Variants in MTAP observed in about 807,000 individuals in gnomAD.
The protein encoded by MTAP is S-methyl-5'-thioadenosine phosphorylase.
In MTAP, 33 loss-of-function variants were observed where a neutral mutation model predicts 33.6. The ratio of observed to expected loss-of-function variants is 0.98; its 90% confidence interval spans 0.74 to 1.31. The LOEUF is 1.31. MTAP is among the 40% of genes most tolerant of loss of function. The pLI, the probability that MTAP is intolerant of heterozygous loss-of-function variation, is 0.00. For missense variants in MTAP, 367 were observed against 360.0 expected (o/e 1.02, Z -0.16); for synonymous variants, 148 against 125.7 (o/e 1.18, Z -1.19).
At chr9:21,819,242 T>C (rs572898156) in intron 4 of MTAP, among the ~76,000 whole-genome samples, 33 of 152,202 alleles carry the variant, frequency 2.2e-4, no homozygotes, top group Admixed American at 7.9e-4. Context: ...CTGCACCCAT[T>C]AACTCGTCAT....
chr9:21,885,816 G>GTGTGTA (rs1042071763), intron 1 of MTAP, among the ~76,000 whole-genome samples: 1 of 144,200 alleles, frequency 6.9e-6, no homozygotes. Flanking sequence ...GTGTGTGTGT[G>GTGTGTA]TGTGTATACA....
chr9:21,805,028 G>A (rs1824172758), intron 1 of MTAP, among the ~76,000 whole-genome samples: 2 of 152,228 alleles, frequency 1.3e-5, no homozygotes, highest in Admixed American at 6.5e-5. Flanking sequence ...AGTGCCCACT[G>A]CACACCACCC....
chr9:21,822,500 T>G (rs1824669500), intron 4 of MTAP, among the ~76,000 whole-genome samples: 1 of 152,104 alleles, frequency 6.6e-6, no homozygotes, highest in African/African-American at 2.4e-5. Context: ...AGAGATAGTT[T>G]GTTATAATTT....
chr9:21,938,488 A>T (rs1431394295), downstream of MTAP, among the ~76,000 whole-genome samples: 1 of 151,926 alleles, frequency 6.6e-6, no homozygotes, highest in Non-Finnish European at 1.5e-5. Flanking sequence ...AAAAAAAGAG[A>T]ATTGCATAGG....
In MTAP at chr9:21,904,923, G is replaced by T. The variant is rs151220562; in HGVS notation, c.148-26085G>T. Among the ~76,000 whole-genome samples the T allele has an allele frequency of 1.2e-3, 188 of 152,248 alleles. 1 individual carries two copies. Among genetic ancestry groups the T allele is most frequent in the Non-Finnish European group, 2.1e-3 (146 of 68,010 alleles). ...AGTGTTCTCTTATCCTTCTCACAGG[G>T]TATGTGACGGGGTGTGGCTCACTTC... On this transcript the variant is annotated intron_variant, in intron 1 of 1. Transcript: ENST00000577563.
intron 1 of MTAP, among the ~76,000 whole-genome samples, chr9:21,880,052 ATTCCAACAAATTCC>A (rs1817980694): frequency 6.6e-6 from 1 of 152,146 alleles, no homozygotes; most frequent in Non-Finnish European, 1.5e-5. Flanking sequence ...AGTTCTGTGT[ATTCCAACAAATTCC>A]ATTTGTTGGA....
chr9:21,841,265 T>G (rs1462368664), intron 5 of MTAP, among the ~76,000 whole-genome samples: 2 of 152,192 alleles, frequency 1.3e-5, no homozygotes, highest in African/African-American at 2.4e-5. Context: ...AGCCCCCTAC[T>G]CCTTCTGCAG....
intron 6 of MTAP, among the ~76,000 whole-genome samples, chr9:21,857,156 C>T (rs1041058445): frequency 4.9e-4 from 74 of 152,214 alleles, no homozygotes; most frequent in Non-Finnish European, 2.5e-4. Flanking sequence ...GTAGGAAGGA[C>T]ATTTTGGGTG....
At chr9:21,811,521 A>G in intron 1 of MTAP, 1 of 272,778 alleles carries the variant, frequency 3.7e-6, no homozygotes, top group East Asian at 9.4e-5. Flanking sequence ...ACACAACAGC[A>G]AGCGCACATA....
At chr9:21,850,467 A>T (rs898001286) in intron 5 of MTAP, among the ~76,000 whole-genome samples, 4 of 152,198 alleles carry the variant, frequency 2.6e-5, no homozygotes, top group African/African-American at 9.7e-5. Flanking sequence ...AGGCTCTGCA[A>T]CAGTTCCAGG....
At chr9:21,914,728 A>G (rs759109566) in intron 1 of MTAP, among the ~76,000 whole-genome samples, 5 of 151,916 alleles carry the variant, frequency 3.3e-5, no homozygotes, top group Admixed American at 1.3e-4. Context: ...ACATGTACAC[A>G]TATGTAACAA....
At chr9:21,916,051 A>G (rs967230045) in intron 1 of MTAP, among the ~76,000 whole-genome samples, 19 of 113,304 alleles carry the variant, frequency 1.7e-4, no homozygotes, top group African/African-American at 4.2e-4. Context: ...AGAAGGAGAG[A>G]GAGGGAGGGA....
intron 4 of MTAP, among the ~76,000 whole-genome samples, chr9:21,824,883 C>T (rs7863090): frequency 0.41 from 62,827 of 151,964 alleles, 13,139 homozygotes; most frequent in East Asian, 0.44. Flanking sequence ...GCTCTGTGGG[C>T]GTGGGACCCT....
In MTAP at chr9:21,858,277, T is replaced by C. The variant is rs116877148; in HGVS notation, c.691-1026T>C. Among the ~76,000 whole-genome samples the C allele has an allele frequency of 5.8e-3, 878 of 152,314 alleles. 17 individuals are homozygous for C. The highest frequency in any genetic ancestry group is 0.055 in the East Asian group (286 of 5,186). ...ATCTTTCTAGACCATATTAACCCAT[T>C]ATACATCTGAGATATTTTCTCCGAT... On this transcript the variant is annotated intron_variant, in intron 6 of 7. Coordinates refer to ENST00000644715, the MANE Select transcript of MTAP (RefSeq NM_002451.4).
At chr9:21,859,621 A>G in intron 7 of MTAP, 196 bp downstream of exon 7, 1 of 512,438 alleles carries the variant, frequency 2.0e-6, no homozygotes, top group Non-Finnish European at 3.3e-6. Context: ...GTAGTGCAAG[A>G]CCACTGAAGG....
chr9:21,848,277 C>T (rs951611743), intron 5 of MTAP, among the ~76,000 whole-genome samples: 1 of 152,164 alleles, frequency 6.6e-6, no homozygotes, highest in South Asian at 2.1e-4. Context: ...AGATTGTGAC[C>T]CATGAGGTGG....
chr9:21,902,311 C>G (rs1410700413), intron 1 of MTAP, among the ~76,000 whole-genome samples: 1 of 152,144 alleles, frequency 6.6e-6, no homozygotes, highest in African/African-American at 2.4e-5. Flanking sequence ...AGTCAGATCC[C>G]ATCTGGTAGC....
At position 21,859,663 on chromosome 9, in the gene MTAP, A is replaced by T. The variant is rs186346016; in HGVS notation, c.813+238A>T. ...TTGAGAGAGTTTTATTATCTCGTGT[A>T]CCAGATTCTTCACATTGCCCTGCTC... On this transcript the variant is annotated intron_variant, in intron 7 of 7. Coordinates refer to ENST00000644715, the MANE Select transcript of MTAP (RefSeq NM_002451.4). 1.3e-3 allele frequency: 484 copies of T among 374,344 alleles called. 1 individual carries two copies. Among genetic ancestry groups the T allele is most frequent in the African/African-American group, 8.9e-3 (428 of 47,830 alleles). 23.2% of individuals were successfully genotyped at this position (374,344 alleles called of 1,614,324 possible).
intron 3 of MTAP, 71 bp from the exon 4 acceptor site, chr9:21,817,964 T>C (rs1824526456): frequency 2.8e-6 from 4 of 1,422,788 alleles, no homozygotes; most frequent in South Asian, 2.9e-5. Flanking sequence ...CTTAATTTTT[T>C]CTAGACTCTA....
Sources: allele counts gnomAD v4.1 joint callset (sites outside exome capture counted in the v4.1 genomes callset), GRCh38; gene constraint gnomAD v4.1.1; transcripts MANE v1.5; gene names NCBI Gene and HGNC (gene_info 2026-07-23, HGNC 2026-07-21).